Variants in ACOT11 observed in about 807,000 individuals in gnomAD.
The protein encoded by ACOT11 is acyl-CoA thioesterase 11, also known as acyl-coenzyme A thioesterase 11.
ACOT11 carries 69 observed loss-of-function variants against 77.5 expected under a neutral mutation model. The observed-to-expected ratio is 0.89, with a 90% CI of 0.73 to 1.09. ACOT11 has a LOEUF of 1.09. Among genes scored for constraint, ACOT11 ranks in the 50% least tolerant of loss-of-function variants. The pLI is 0.00. For missense variants in ACOT11, 766 were observed against 813.7 expected, an observed-to-expected ratio of 0.94 and a Z score of 0.71; for synonymous variants, 279 against 313.0, an observed-to-expected ratio of 0.89 and a Z score of 1.15.
intron 15 of ACOT11, chr1:54,620,124 A>T: frequency 2.8e-6 from 3 of 1,076,330 alleles, no homozygotes; most frequent in Non-Finnish European, 2.6e-6. Flanking sequence ...CATCTGGCAG[A>T]GGGACGGTGA....
intron 1 of ACOT11, among the ~76,000 whole-genome samples, chr1:54,554,843 G>A (rs1653205804): frequency 6.6e-6 from 1 of 152,104 alleles, no homozygotes; most frequent in African/African-American, 2.4e-5. Flanking sequence ...AATTTTTTGA[G>A]GAACCTCCAT....
intron 1 of ACOT11, chr1:54,573,234 CA>C (rs1653984891): frequency 1.0e-6 from 1 of 985,322 alleles, no homozygotes; most frequent in South Asian, 4.7e-5. Flanking sequence ...AGCAGTTGTA[CA>C]AAGTGGTCAA....
chr1:54,567,720 C>A (rs568086507), intron 1 of ACOT11, among the ~76,000 whole-genome samples: 72 of 152,290 alleles, frequency 4.7e-4, no homozygotes, highest in African/African-American at 1.7e-3. Flanking sequence ...CTGGCACCAC[C>A]CTGTCCCTTC....
At chr1:54,559,579 T>C (rs1428796646) in intron 1 of ACOT11, among the ~76,000 whole-genome samples, 2 of 150,768 alleles carry the variant, frequency 1.3e-5, no homozygotes, top group Non-Finnish European at 3.0e-5. Flanking sequence ...TAATTGGCCA[T>C]GGTGAATAGT....
chr1:54,549,272 G>A (rs1279074214), intron 1 of ACOT11, among the ~76,000 whole-genome samples: 2 of 152,080 alleles, frequency 1.3e-5, no homozygotes, highest in Admixed American at 6.5e-5. Context: ...ACGGCTACCC[G>A]AGGATGATTT....
chr1:54,601,067 G>T (rs1643955391), intron 8 of ACOT11, among the ~76,000 whole-genome samples: 1 of 152,080 alleles, frequency 6.6e-6, no homozygotes, highest in Non-Finnish European at 1.5e-5. Context: ...AACTGCAGGA[G>T]TGTATGTGAG....
At chr1:54,620,250 A>G (rs1192929350) in intron 15 of ACOT11, among the ~76,000 whole-genome samples, 1 of 152,240 alleles carries the variant, frequency 6.6e-6, no homozygotes, top group African/African-American at 2.4e-5. Flanking sequence ...AGAGAAGGGA[A>G]CACTTAAGGA....
rs199798355 is a variant in ACOT11, at chr1:54,592,974, G to A, written c.372+368G>A. Among the ~76,000 whole-genome samples the A allele has an allele frequency of 2.4e-4, 37 of 152,316 alleles. No individual in the cohort carries two copies. The East Asian group carries it at 6.8e-3, about 28-fold the overall frequency. ...GCCTGATCTTGGAGGAGGAGCTGGGGCAGGGAGAGTGCTGGGTTTCCAGCC... is the reference window on the plus strand; with the variant it reads ...GCCTGATCTTGGAGGAGGAGCTGGGACAGGGAGAGTGCTGGGTTTCCAGCC... On this transcript the variant is annotated intron_variant, in intron 4 of 15. Coordinates refer to ENST00000343744, the MANE Select transcript of ACOT11 (RefSeq NM_147161.4).
chr1:54,634,942 T>C (rs1644322980), exon 17 of ACOT11: 4 of 507,830 alleles, frequency 7.9e-6, no homozygotes, highest in Non-Finnish European at 1.4e-5. Context: ...TCACAATGAA[T>C]AATTTAATGG....
chr1:54,610,716 G>A (rs1388582974), downstream of ACOT11: 3 of 979,850 alleles, frequency 3.1e-6, no homozygotes, highest in Non-Finnish European at 3.6e-6. Context: ...ACTAGAAGAA[G>A]TGACTTGCCC....
chr1:54,616,845 T>C (rs548738510), intron 15 of ACOT11, among the ~76,000 whole-genome samples: 1 of 152,336 alleles, frequency 6.6e-6, no homozygotes, highest in South Asian at 2.1e-4. Context: ...ACTATGTAGT[T>C]GATCATCCCC....
chr1:54,610,787 C>T, downstream of ACOT11: 2 of 984,644 alleles, frequency 2.0e-6, no homozygotes, highest in Non-Finnish European at 2.4e-6. Flanking sequence ...CCAGGTCTGC[C>T]TGGCTCCAGA....
chr1:54,614,600 G>C (rs1051449708), downstream of ACOT11: 1 of 1,230,400 alleles, frequency 8.1e-7, no homozygotes, highest in Admixed American at 2.4e-5. Flanking sequence ...TATATAGTAT[G>C]ATTGGAGACA....
Position 54,599,413 on chromosome 1 carries a change from T to G in ACOT11, c.882T>G (p.His294Gln). 6.2e-7 allele frequency: 1 copy of G among 1,600,320 alleles called. No homozygotes were observed. Among genetic ancestry groups the G allele is most frequent in the Non-Finnish European group, 8.5e-7 (1 of 1,172,422 alleles). ...LKAIVNNAFK[H>Q]SMEVGVCVEA... ...CCATCGTGAACAATGCCTTCAAACA[T>G]AGGTGAGGGTCTGGGATGGGTGCGG... The change falls in exon 8 of 16, where the codon CAT becomes CAG. Residue 294 changes from histidine (H) to glutamine (Q), a missense_variant and splice_region_variant. By Grantham distance (24) the His-to-Gln change is conservative. Transcript: ENST00000343744.
At chr1:54,550,289 G>A (rs997033891) in intron 1 of ACOT11, among the ~76,000 whole-genome samples, 1 of 152,206 alleles carries the variant, frequency 6.6e-6, no homozygotes, top group Non-Finnish European at 1.5e-5. Context: ...TGAGTCTGGG[G>A]GTGGAGGTGG....
At chr1:54,573,585 T>C (rs1261230078) in intron 1 of ACOT11, among the ~76,000 whole-genome samples, 1 of 151,808 alleles carries the variant, frequency 6.6e-6, no homozygotes, top group Non-Finnish European at 1.5e-5. Context: ...ATACAAAAAG[T>C]ATCCAGGCAT....
intron 3 of ACOT11, among the ~76,000 whole-genome samples, chr1:54,586,393 G>A (rs1380484862): frequency 6.6e-6 from 1 of 151,908 alleles, no homozygotes; most frequent in African/African-American, 2.4e-5. Context: ...TTCCAGGGAT[G>A]AGGAGCTCGT....
At position 54,584,718 on chromosome 1, in the gene ACOT11, A is replaced by G; in HGVS notation, c.97A>G (p.Ser33Gly). 16 of 1,614,204 alleles carry G rather than the reference A, an allele frequency of 9.9e-6. No individual in the cohort carries two copies. The highest frequency in any genetic ancestry group is 1.4e-5 in the Non-Finnish European group (16 of 1,180,034). Reference protein sequence around the residue: ...RKSALRAGNDSAMADGEGYRN... With the variant: ...RKSALRAGNDGAMADGEGYRN... ...GTCAGCCTTACGTGCGGGGAACGAC[A>G]GTGCCATGGCAGACGGCGAGGGATA... The change falls in exon 2 of 16, where the codon AGT becomes GGT. Residue 33 changes from serine (S) to glycine (G), a missense_variant. Coordinates refer to ENST00000343744, the MANE Select transcript of ACOT11 (RefSeq NM_147161.4). This position sits in a 1 kb window ranked among gnomAD's most constrained non-coding sequence, Gnocchi z 6.3.
chr1:54,620,033 A>G (rs753065641), intron 15 of ACOT11: 1 of 1,611,674 alleles, frequency 6.2e-7, no homozygotes, highest in South Asian at 1.1e-5. Context: ...AGGGGCTGTT[A>G]GCGTCTGTCC....
Sources: gnomAD v4.1 joint callset for allele counts (sites outside exome capture counted in the v4.1 genomes callset) on GRCh38, gnomAD v4.1.1 for gene constraint, Gnocchi (gnomAD v3.1) non-coding constraint, MANE v1.5 for transcripts, NCBI Gene and HGNC (gene_info 2026-07-23, HGNC 2026-07-21) for gene names.